Variants in MTUS2 observed in about 807,000 individuals in gnomAD.
MTUS2 encodes the protein microtubule associated scaffold protein 2.
In MTUS2, 40 loss-of-function variants were observed where a neutral mutation model predicts 114.1. The observed-to-expected ratio is 0.35, with a 90% confidence interval of 0.27 to 0.46. MTUS2 has a LOEUF of 0.46. Among genes scored for constraint, MTUS2 ranks in the 20% least tolerant of loss-of-function variants. The probability of loss-of-function intolerance (pLI) is 1.00; values close to 1 mark genes in which losing one functional copy is unlikely to be tolerated. For synonymous variants in MTUS2, 688 were observed against 672.0 expected, an observed-to-expected ratio of 1.02 and a Z score of -0.37; for missense variants, 1,679 against 1,705.4, an observed-to-expected ratio of 0.98 and a Z score of 0.27.
chr13:29,088,820 A>G (rs1461191359), intron 4 of MTUS2, among the ~76,000 whole-genome samples: 2 of 151,990 alleles, frequency 1.3e-5, no homozygotes, highest in Non-Finnish European at 2.9e-5. Flanking sequence ...TGTTTCATAC[A>G]TTTTTCTCCA....
chr13:28,946,750 G>C (rs1566243438), intron 2 of MTUS2, among the ~76,000 whole-genome samples: 1 of 151,754 alleles, frequency 6.6e-6, no homozygotes, highest in Non-Finnish European at 1.5e-5. Context: ...GGGTCTCACT[G>C]TGCTGCCCAG....
At chr13:28,894,341 AGAGAGAGAGTGAGAGT>A (rs1879134303) in intron 2 of MTUS2, among the ~76,000 whole-genome samples, 1 of 98,538 alleles carries the variant, frequency 1.0e-5, no homozygotes, top group Non-Finnish European at 2.0e-5. Flanking sequence ...AGAGAGAGAG[AGAGAGAGAGTGAGAGT>A]GAGAGAGAGA....
At chr13:28,849,057 T>C (rs1876078495) in intron 2 of MTUS2, among the ~76,000 whole-genome samples, 1 of 152,240 alleles carries the variant, frequency 6.6e-6, no homozygotes, top group Admixed American at 6.5e-5. Flanking sequence ...ATAGTTTCGA[T>C]GATCACTTAG....
chr13:29,189,326 CT>C (rs1418788658), intron 5 of MTUS2, among the ~76,000 whole-genome samples: 2 of 152,118 alleles, frequency 1.3e-5, no homozygotes, highest in Non-Finnish European at 2.9e-5. Context: ...TTGTGGACAT[CT>C]TTTTTATTCC....
intron 5 of MTUS2, among the ~76,000 whole-genome samples, chr13:29,121,852 G>T (rs1259412386): frequency 4.0e-5 from 6 of 151,884 alleles, no homozygotes; most frequent in Non-Finnish European, 5.9e-5. Flanking sequence ...TAGAGACAGG[G>T]TTTCTCCATG....
At chr13:29,334,826 G>T (rs4316607) in intron 7 of MTUS2, among the ~76,000 whole-genome samples, 1 of 152,066 alleles carries the variant, frequency 6.6e-6, no homozygotes, top group African/African-American at 2.4e-5. Flanking sequence ...TGAAGATTTC[G>T]TGGATATTTA....
At chr13:29,445,920 A>G (rs1878245477) in intron 9 of MTUS2, among the ~76,000 whole-genome samples, 1 of 149,990 alleles carries the variant, frequency 6.7e-6, no homozygotes, top group Non-Finnish European at 1.5e-5. Context: ...AAAAAAAAAA[A>G]GAGAGAGTTT....
chr13:28,839,702 A>G (rs1875338695), intron 1 of MTUS2, 76 bp from the exon 2 acceptor site: 1 of 152,338 alleles, frequency 6.6e-6, no homozygotes, highest in Admixed American at 6.5e-5. Context: ...GAGAAGACCT[A>G]TTATAATAAA....
At chr13:29,066,233 C>T (rs563434184) in intron 4 of MTUS2, among the ~76,000 whole-genome samples, 1 of 152,254 alleles carries the variant, frequency 6.6e-6, no homozygotes, top group South Asian at 2.1e-4. Flanking sequence ...GTCTAACACA[C>T]CCTGTGTTTT....
At chr13:28,843,660 A>G (rs978261713) in intron 2 of MTUS2, among the ~76,000 whole-genome samples, 3 of 152,206 alleles carry the variant, frequency 2.0e-5, no homozygotes, top group Non-Finnish European at 4.4e-5. Context: ...CCTTTATTAA[A>G]TGATGCATAA....
chr13:29,210,177 C>T (rs751721161), intron 5 of MTUS2, among the ~76,000 whole-genome samples: 11 of 151,954 alleles, frequency 7.2e-5, no homozygotes, highest in South Asian at 2.1e-4. Context: ...GCCTTGTCTT[C>T]GAGCTCTGAA....
At chr13:28,861,686 A>T (rs1027505276) in intron 2 of MTUS2, among the ~76,000 whole-genome samples, 1 of 152,156 alleles carries the variant, frequency 6.6e-6, no homozygotes, top group East Asian at 1.9e-4. Flanking sequence ...AGTGCCTGGC[A>T]CATGGTAGGC....
chr13:29,499,378 C>T (rs977999952), intron 14 of MTUS2, among the ~76,000 whole-genome samples: 3 of 152,188 alleles, frequency 2.0e-5, no homozygotes, highest in Non-Finnish European at 4.4e-5. Context: ...CAAGGGCAGC[C>T]CATCTTGATC....
intron 2 of MTUS2, among the ~76,000 whole-genome samples, chr13:28,967,110 A>C (rs1026145713): frequency 2.6e-5 from 4 of 152,240 alleles, no homozygotes; most frequent in Non-Finnish European, 2.9e-5. Context: ...GCAATGTGTG[A>C]GTAAGTTCAA....
At chr13:29,451,120 C>T (rs916705897) in intron 9 of MTUS2, among the ~76,000 whole-genome samples, 2 of 152,112 alleles carry the variant, frequency 1.3e-5, no homozygotes, top group Non-Finnish European at 2.9e-5. Context: ...ATGCTCTATC[C>T]AACAGCAACA....
At chr13:29,163,071 G>C (rs1039344506) in intron 5 of MTUS2, among the ~76,000 whole-genome samples, 25 of 152,266 alleles carry the variant, frequency 1.6e-4, no homozygotes, top group Admixed American at 1.6e-3. Context: ...TGTAAGGAGT[G>C]TATATCACAG....
At chr13:29,236,313 T>C (rs1896534123) in intron 5 of MTUS2, among the ~76,000 whole-genome samples, 1 of 152,212 alleles carries the variant, frequency 6.6e-6, no homozygotes, top group Non-Finnish European at 1.5e-5. Flanking sequence ...ATTCGATATG[T>C]TCTATTACAT....
intron 2 of MTUS2, among the ~76,000 whole-genome samples, chr13:29,014,511 A>G (rs1885984581): frequency 6.6e-6 from 1 of 152,168 alleles, no homozygotes; most frequent in Non-Finnish European, 1.5e-5. Context: ...CCTTACCTTT[A>G]TTCTATTGGG....
intron 5 of MTUS2, among the ~76,000 whole-genome samples, chr13:29,172,140 G>A (rs1019649918): frequency 6.6e-6 from 1 of 152,220 alleles, no homozygotes; most frequent in African/African-American, 2.4e-5. Context: ...ACAACTATTT[G>A]TAGGAGTCTA....
Sources: allele counts gnomAD v4.1 joint callset (sites outside exome capture counted in the v4.1 genomes callset), GRCh38; gene constraint gnomAD v4.1.1; transcripts MANE v1.5; gene names NCBI Gene and HGNC (gene_info 2026-07-23, HGNC 2026-07-21).